AKAP13: variants seen among roughly 807,000 people sequenced by gnomAD.
AKAP13 encodes the protein A-kinase anchoring protein 13.
A neutral mutation model predicts 264.5 loss-of-function variants in AKAP13; 80 were observed. That is an observed-to-expected ratio of 0.30 (90% CI 0.25 to 0.36). The LOEUF is 0.36. Ranked by LOEUF, AKAP13 falls within the 10% of genes least tolerant of loss-of-function variation. AKAP13 has a pLI of 1.00. For synonymous variants in AKAP13, 1,380 were observed against 1,250.2 expected (o/e 1.10, Z -2.19); for missense variants, 3,712 against 3,435.2 (o/e 1.08, Z -2.01).
intron 8 of AKAP13, among the ~76,000 whole-genome samples, chr15:85,630,370 A>G (rs1054109852): frequency 6.6e-6 from 1 of 152,148 alleles, no homozygotes; most frequent in Non-Finnish European, 1.5e-5. Context: ...AAAATACTCT[A>G]TGCAATGTGG....
At chr15:85,685,558 C>T (rs953540292) in intron 16 of AKAP13, 1 of 152,200 alleles carries the variant, frequency 6.6e-6, no homozygotes, top group Non-Finnish European at 1.5e-5. Context: ...GACCATAGCT[C>T]ACTGCAGTCT....
intron 1 of AKAP13, among the ~76,000 whole-genome samples, chr15:85,433,471 G>T (rs891094138): frequency 6.6e-6 from 1 of 151,986 alleles, no homozygotes; most frequent in East Asian, 1.9e-4. Flanking sequence ...CGATTTCTAG[G>T]TGGAAGATGA....
intron 36 of AKAP13, 97 bp downstream of exon 36, chr15:85,743,922 C>G (rs1229082170): frequency 1.9e-5 from 26 of 1,379,908 alleles, no homozygotes; most frequent in Non-Finnish European, 2.5e-5. Flanking sequence ...GAAAAGGGGA[C>G]AGTTCAGATG....
chr15:85,613,459 A>T (rs967054567), intron 8 of AKAP13, among the ~76,000 whole-genome samples: 10 of 151,940 alleles, frequency 6.6e-5, no homozygotes, highest in Non-Finnish European at 2.9e-5. Flanking sequence ...AGGCGGGTGG[A>T]TCACGAGGTC....
intron 17 of AKAP13, among the ~76,000 whole-genome samples, chr15:85,705,466 T>A (rs1265377681): frequency 6.6e-6 from 1 of 152,136 alleles, no homozygotes; most frequent in African/African-American, 2.4e-5. Flanking sequence ...AAAAAAAATA[T>A]ACTTTTTTAA....
chr15:85,409,687 G>A (rs1478940165), intron 1 of AKAP13, among the ~76,000 whole-genome samples: 1 of 146,210 alleles, frequency 6.8e-6, no homozygotes, highest in Non-Finnish European at 1.5e-5. Flanking sequence ...CTGGAGTGCA[G>A]CGGTGCGATC....
chr15:85,694,698 AGG>A (rs2085473736), intron 17 of AKAP13, among the ~76,000 whole-genome samples: 1 of 152,214 alleles, frequency 6.6e-6, no homozygotes. Flanking sequence ...AGAGCATACC[AGG>A]GTAAATCAAG....
chr15:85,404,979 C>A lies in AKAP13; in HGVS notation c.-12+24181C>A, dbSNP rs961328038. 5.3e-5 allele frequency among the ~76,000 whole-genome samples: 8 copies of A among 152,112 alleles called. No homozygotes were observed. The South Asian group carries it at 8.3e-4, about 16-fold the overall frequency. ...TATGTAGCAGTGGTTGTGTTTTTTT[C>A]TTTTTTTATAAGCTATCTGGAATGC... is the stretch of plus-strand genomic sequence containing the variant. On this transcript the variant is annotated intron_variant, in intron 1 of 36. Transcript: ENST00000394518.
At chr15:85,575,071 G>T in intron 5 of AKAP13, 60 bp from the exon 6 acceptor site, 1 of 1,532,836 alleles carries the variant, frequency 6.5e-7, no homozygotes, top group Non-Finnish European at 9.0e-7. Flanking sequence ...GACTTAGAAC[G>T]TTAAGCCTAT....
chr15:85,615,089 C>A (rs2080875618), intron 8 of AKAP13, among the ~76,000 whole-genome samples: 1 of 152,118 alleles, frequency 6.6e-6, no homozygotes, highest in Admixed American at 6.5e-5. Context: ...AGACCTTGTT[C>A]CTGTAAAGAG....
chr15:85,667,544 A>G (rs2083671463), intron 13 of AKAP13, among the ~76,000 whole-genome samples: 1 of 152,212 alleles, frequency 6.6e-6, no homozygotes, highest in African/African-American at 2.4e-5. Context: ...AATAAATTGC[A>G]TTTCAAATTT....
chr15:85,732,380 T>G (rs2088109368), intron 30 of AKAP13, among the ~76,000 whole-genome samples: 1 of 151,664 alleles, frequency 6.6e-6, no homozygotes. Flanking sequence ...CTAGGTTGAT[T>G]GTTACTAGGT....
intron 1 of AKAP13, among the ~76,000 whole-genome samples, chr15:85,439,970 TA>T (rs201272928): frequency 1.4e-4 from 18 of 127,620 alleles, no homozygotes; most frequent in South Asian, 7.4e-4. Context: ...TAAAGTATAA[TA>T]AAAAATAATA....
At chr15:85,742,878 A>G (rs889124102) in intron 35 of AKAP13, among the ~76,000 whole-genome samples, 6 of 152,104 alleles carry the variant, frequency 3.9e-5, no homozygotes, top group African/African-American at 7.2e-5. Context: ...TGCCAAATAT[A>G]TTGGGGGTGG....
At chr15:85,436,707 C>G (rs2073316347) in intron 1 of AKAP13, among the ~76,000 whole-genome samples, 1 of 150,424 alleles carries the variant, frequency 6.6e-6, no homozygotes, top group East Asian at 2.0e-4. Context: ...CAACCTGCTC[C>G]TGAATGACTA....
intron 7 of AKAP13, chr15:85,583,190 ATTGT>A: frequency 1.0e-6 from 1 of 984,746 alleles, no homozygotes; most frequent in Non-Finnish European, 1.2e-6. Context: ...TTTTGTCTTT[ATTGT>A]TTATTTTTGC....
At chr15:85,701,865 A>G (rs916926134) in intron 17 of AKAP13, among the ~76,000 whole-genome samples, 7 of 151,946 alleles carry the variant, frequency 4.6e-5, no homozygotes, top group African/African-American at 1.7e-4. Context: ...ATACCACCCT[A>G]CTCCAGAAGT....
intron 17 of AKAP13, among the ~76,000 whole-genome samples, chr15:85,699,708 G>T (rs952769566): frequency 6.6e-6 from 1 of 152,142 alleles, no homozygotes; most frequent in Non-Finnish European, 1.5e-5. Flanking sequence ...AAAATAAGTT[G>T]GTATTTGATT....
chr15:85,408,408 C>T (rs950409736), intron 1 of AKAP13, among the ~76,000 whole-genome samples: 3 of 151,766 alleles, frequency 2.0e-5, no homozygotes, highest in African/African-American at 7.3e-5. Flanking sequence ...GCAGTCATCA[C>T]CACTGTCCAT....
Sources: allele counts gnomAD v4.1 joint callset (sites outside exome capture counted in the v4.1 genomes callset), GRCh38; gene constraint gnomAD v4.1.1; transcripts MANE v1.5; gene names NCBI Gene and HGNC (gene_info 2026-07-23, HGNC 2026-07-21).